Variants in ANKH observed in about 807,000 individuals in gnomAD.
The protein encoded by ANKH is ANKH inorganic pyrophosphate transport regulator, also known as mineralization regulator ANKH.
ANKH carries 15 observed loss-of-function variants against 49.0 expected under a neutral mutation model. The ratio of observed to expected loss-of-function variants is 0.31; its 90% CI spans 0.20 to 0.47. ANKH has a LOEUF of 0.47. Ranked by LOEUF, ANKH falls within the 20% of genes least tolerant of loss-of-function variation. ANKH has a pLI of 1.00. For synonymous variants in ANKH, 273 were observed against 260.0 expected (o/e 1.05, Z -0.48); for missense variants, 429 against 652.0 (o/e 0.66, Z 3.72).
chr5:14,851,525 A>G (rs1188316259), intron 1 of ANKH, among the ~76,000 whole-genome samples: 2 of 152,230 alleles, frequency 1.3e-5, no homozygotes, highest in East Asian at 1.9e-4. Context: ...GAAGTGCTCT[A>G]CAAATGTGAA....
At chr5:14,843,359 A>G (rs1430727690) in intron 1 of ANKH, among the ~76,000 whole-genome samples, 1 of 151,742 alleles carries the variant, frequency 6.6e-6, no homozygotes, top group Non-Finnish European at 1.5e-5. Context: ...CATTTTTAGT[A>G]GAGATGGCAC....
At chr5:14,846,345 C>T (rs559973309) in intron 1 of ANKH, among the ~76,000 whole-genome samples, 15 of 152,202 alleles carry the variant, frequency 9.9e-5, no homozygotes, top group South Asian at 2.1e-4. Context: ...CAGGCAATGC[C>T]GTGCTATTCC....
intron 1 of ANKH, among the ~76,000 whole-genome samples, chr5:14,780,952 G>A (rs942821793): frequency 2.0e-5 from 3 of 152,212 alleles, no homozygotes; most frequent in African/African-American, 4.8e-5. Context: ...GTCAGAAAAT[G>A]TACATGTGTG....
intron 1 of ANKH, among the ~76,000 whole-genome samples, chr5:14,778,152 C>T (rs1273012833): frequency 1.3e-5 from 2 of 152,190 alleles, no homozygotes; most frequent in East Asian, 1.9e-4. Flanking sequence ...ATGCAGCACC[C>T]GGCCTGGGGT....
chr5:14,866,065 A>G (rs1735635036), intron 1 of ANKH, among the ~76,000 whole-genome samples: 1 of 152,098 alleles, frequency 6.6e-6, no homozygotes, highest in East Asian at 1.9e-4. Context: ...TGAGGTATTC[A>G]GTGCGGTCTC....
At chr5:14,815,405 A>T (rs1741005350) in intron 1 of ANKH, among the ~76,000 whole-genome samples, 1 of 152,186 alleles carries the variant, frequency 6.6e-6, no homozygotes, top group African/African-American at 2.4e-5. Flanking sequence ...CTTGTGTTTG[A>T]ATAACAAGAA....
chr5:14,802,572 T>A (rs1375874958), intron 1 of ANKH, among the ~76,000 whole-genome samples: 1 of 151,962 alleles, frequency 6.6e-6, no homozygotes, highest in Non-Finnish European at 1.5e-5. Flanking sequence ...CTTGGCCAAA[T>A]CTCTGTCTCC....
At chr5:14,842,195 T>C (rs1343004680) in intron 1 of ANKH, among the ~76,000 whole-genome samples, 1 of 152,148 alleles carries the variant, frequency 6.6e-6, no homozygotes, top group Non-Finnish European at 1.5e-5. Flanking sequence ...GACAGCTAAT[T>C]AGGGTCCTCT....
chr5:14,759,559 G>A (rs1337884602), intron 2 of ANKH, among the ~76,000 whole-genome samples: 2 of 151,858 alleles, frequency 1.3e-5, no homozygotes, highest in Non-Finnish European at 2.9e-5. Context: ...AGACTAGCCT[G>A]GGCAACATAG....
chr5:14,769,016 A>G lies in ANKH; in HGVS notation c.272T>C (p.Val91Ala). The change falls in exon 2 of 12, where the codon GTG becomes GCG. Residue 91 changes from valine (V) to alanine (A), a missense_variant. Physicochemically the swap from Val to Ala is moderately conservative, Grantham distance 64 (BLOSUM62 0). Transcript: ENST00000284268. ...GACGGCAGCGATGGCCCCTGCCACC[A>G]CCATACACAGGACGGCTTTGGTCCT... is the stretch of plus-strand genomic sequence containing the variant. The part of the protein sequence containing the change: ...RDRTKAVLCM[V>A]VAGAIAAVFH... 6.2e-7 allele frequency: 1 copy of G among 1,614,208 alleles called. No individual in the cohort carries two copies. The highest frequency in any genetic ancestry group is 1.1e-5 in the South Asian group (1 of 91,086).
In ANKH at chr5:14,711,413, T is replaced by C. The variant is rs527651099; in HGVS notation, c.1366-103A>G. ...ACCGGGGTCTTGGGGGACCCCTCAC[T>C]GTAGGCTTAAACCTTCTTATGGTTG... On this transcript the variant is annotated intron_variant, in intron 11 of 11. Transcript: ENST00000284268. 1.5e-5 allele frequency: 15 copies of C among 973,744 alleles called. No homozygotes were observed. In the East Asian group the frequency reaches 2.9e-4, roughly 19 times the overall value. 60.3% of individuals were successfully genotyped at this position (973,744 alleles called of 1,614,324 possible).
chr5:14,732,616 G>T (rs1181486470), intron 8 of ANKH, among the ~76,000 whole-genome samples: 1 of 152,076 alleles, frequency 6.6e-6, no homozygotes, highest in African/African-American at 2.4e-5. Context: ...GGAGCTGGTG[G>T]CTGAGGAGAG....
At chr5:14,798,654 AT>A (rs1740469939) in intron 1 of ANKH, among the ~76,000 whole-genome samples, 1 of 151,974 alleles carries the variant, frequency 6.6e-6, no homozygotes, top group South Asian at 2.1e-4. Context: ...ATTATATCTG[AT>A]ATGGTGATGT....
At chr5:14,831,644 C>T (rs765281924) in intron 1 of ANKH, among the ~76,000 whole-genome samples, 4 of 152,172 alleles carry the variant, frequency 2.6e-5, no homozygotes, top group Non-Finnish European at 5.9e-5. Flanking sequence ...TCCTGTGGGA[C>T]AGGAAACCAT....
chr5:14,749,636 T>C (rs932071696), intron 5 of ANKH, among the ~76,000 whole-genome samples: 9 of 152,240 alleles, frequency 5.9e-5, no homozygotes, highest in African/African-American at 1.9e-4. Flanking sequence ...AGAAACAGGT[T>C]TGAAATTAAG....
At chr5:14,767,587 A>G (rs1286932689) in intron 2 of ANKH, among the ~76,000 whole-genome samples, 1 of 152,212 alleles carries the variant, frequency 6.6e-6, no homozygotes, top group African/African-American at 2.4e-5. Flanking sequence ...AATTGCAATA[A>G]CACGGGATGC....
intron 1 of ANKH, among the ~76,000 whole-genome samples, chr5:14,803,865 C>A (rs965506383): frequency 1.3e-5 from 2 of 152,104 alleles, no homozygotes; most frequent in Non-Finnish European, 2.9e-5. Flanking sequence ...CCTGTGATCA[C>A]CTTACATAGC....
chr5:14,715,477 A>G (rs1008497652), intron 9 of ANKH, among the ~76,000 whole-genome samples: 1 of 152,170 alleles, frequency 6.6e-6, no homozygotes, highest in Non-Finnish European at 1.5e-5. Context: ...CTGGCTTTCC[A>G]GTTTAATGAT....
At chr5:14,834,346 T>C (rs1741593281) in intron 1 of ANKH, among the ~76,000 whole-genome samples, 1 of 152,166 alleles carries the variant, frequency 6.6e-6, no homozygotes, top group Non-Finnish European at 1.5e-5. Context: ...CAGAAGACAA[T>C]GCCTGTTATG....
Sources: allele counts gnomAD v4.1 joint callset (sites outside exome capture counted in the v4.1 genomes callset), GRCh38; gene constraint gnomAD v4.1.1; transcripts MANE v1.5; gene names NCBI Gene and HGNC (gene_info 2026-07-23, HGNC 2026-07-21).